NTRK1: variants seen among roughly 807,000 people sequenced by gnomAD.
The protein encoded by NTRK1 is high affinity nerve growth factor receptor.
NTRK1 carries 62 observed loss-of-function variants against 86.8 expected under a neutral mutation model. The ratio of observed to expected loss-of-function variants is 0.71; its 90% confidence interval spans 0.58 to 0.88. The LOEUF is 0.88. Ranked by LOEUF, NTRK1 falls within the 40% of genes least tolerant of loss-of-function variation. NTRK1 has a pLI of 0.00. For synonymous variants in NTRK1, 469 were observed against 456.6 expected (o/e 1.03, Z -0.35); for missense variants, 967 against 1,078.4 (o/e 0.90, Z 1.45).
chr1:156,849,464 G>A lies in NTRK1; in HGVS notation c.50+7271G>A, dbSNP rs557498954. The A allele has an allele frequency of 1.4e-5, 22 of 1,604,174 alleles. No individual in the cohort carries two copies. The South Asian group carries it at 2.2e-4, about 16-fold the overall frequency. ...CAGCACGTAGAGAGTGTAGTTCCTG[G>A]GGGAGGCCAGGGGACCTTGCTCTGC... is the stretch of plus-strand genomic sequence containing the variant. On this transcript the variant is annotated intron_variant, in intron 2 of 16. Coordinates refer to the NTRK1 transcript ENST00000392302.
intron 8 of NTRK1, 60 bp downstream of exon 8, chr1:156,874,019 C>A (rs2102906838): frequency 6.7e-7 from 1 of 1,501,944 alleles, no homozygotes; most frequent in Non-Finnish European, 9.1e-7. Flanking sequence ...TTACAGCCAA[C>A]TTCCTGCTAT....
chr1:156,847,831 G>A (rs1199664196), intron 2 of NTRK1, among the ~76,000 whole-genome samples: 1 of 152,134 alleles, frequency 6.6e-6, no homozygotes, highest in Admixed American at 6.5e-5. Flanking sequence ...AGTGATGTTA[G>A]GGAAGCTTGT....
At chr1:156,850,530 C>CTTTTTT (rs1558089282) in intron 2 of NTRK1, among the ~76,000 whole-genome samples, 2 of 107,196 alleles carry the variant, frequency 1.9e-5, no homozygotes, top group African/African-American at 7.7e-5. Flanking sequence ...TAATTTAAAA[C>CTTTTTT]ATTCTTTTTT....
In NTRK1 at chr1:156,861,060, C is replaced by A; in HGVS notation, c.126C>A (p.Pro42=). ...CACCCTGCCCCGATGCCTGCTGCCC[C>A]CACGGCTCCTCGGGACTGCGATGCA... ...GAAPCPDACC[P]HGSSGLRCTR... Residue 42 remains proline (P), a synonymous_variant, in exon 1 of 17, where the codon CCC becomes CCA. Transcript: ENST00000524377. 6.4e-7 allele frequency: 1 copy of A among 1,566,136 alleles called. No individual in the cohort carries two copies. Among genetic ancestry groups the A allele is most frequent in the South Asian group, 1.2e-5 (1 of 86,292 alleles).
At chr1:156,820,623 A>G (rs1440398116) in intron 1 of NTRK1, among the ~76,000 whole-genome samples, 2 of 152,164 alleles carry the variant, frequency 1.3e-5, no homozygotes, top group East Asian at 1.9e-4. Flanking sequence ...TGGGTTCTCT[A>G]TTCTGTTCCA....
chr1:156,854,196 C>G lies in NTRK1; in HGVS notation c.51-10158C>G. 6.2e-7 allele frequency: 1 copy of G among 1,614,092 alleles called. No individual in the cohort carries two copies. Among genetic ancestry groups the G allele is most frequent in the Non-Finnish European group, 8.5e-7 (1 of 1,180,028 alleles). ...AAGCTGAGGCCGCGGAAGTCCTCCC[C>G]GGTGGCTGTGAACATGAGCAGGATC... On this transcript the variant is annotated intron_variant, in intron 2 of 16. Coordinates refer to the NTRK1 transcript ENST00000392302. This position sits in a 1 kb window ranked among gnomAD's most constrained non-coding sequence, Gnocchi z 4.2.
At chr1:156,879,636 C>T (rs1312513450) in intron 15 of NTRK1, among the ~76,000 whole-genome samples, 5 of 152,078 alleles carry the variant, frequency 3.3e-5, no homozygotes, top group Admixed American at 6.5e-5. Context: ...TTTGAGACGG[C>T]GTCTCACTCT....
chr1:156,873,260 G>C (rs1042683361), intron 7 of NTRK1, among the ~76,000 whole-genome samples: 1 of 151,914 alleles, frequency 6.6e-6, no homozygotes, highest in African/African-American at 2.4e-5. Flanking sequence ...TTGATTGTTA[G>C]GGCCCCTGAC....
At chr1:156,816,161 C>T in intron 1 of NTRK1, 1 of 1,529,102 alleles carries the variant, frequency 6.5e-7, no homozygotes, top group Non-Finnish European at 8.8e-7. Flanking sequence ...GCCTCCCACC[C>T]CTCCTCCCAG....
intron 1 of NTRK1, among the ~76,000 whole-genome samples, chr1:156,818,846 G>A (rs1342725970): frequency 6.6e-6 from 1 of 152,078 alleles, no homozygotes; most frequent in Admixed American, 6.6e-5. Flanking sequence ...CCCAGTAGTG[G>A]GATTGCTGGA....
rs1439314587 is a variant in NTRK1 at position 156,851,992 on chromosome 1, G to A, written c.50+9799G>A. ...CGGGCACAGAGTGCAGGCTGGCACA[G>A]CGCTCAGCTGTGACACAGCGCCAGG... On this transcript the variant is annotated intron_variant, in intron 2 of 16. Transcript: ENST00000392302. 4.3e-6 allele frequency: 7 copies of A among 1,611,656 alleles called. No homozygotes were observed. In the East Asian group the frequency reaches 1.3e-4, roughly 31 times the overall value.
At chr1:156,860,682 G>A, upstream of NTRK1, 1 of 564,582 alleles carries the variant, frequency 1.8e-6, no homozygotes, top group Non-Finnish European at 2.8e-6. Context: ...TGCCGGAGCT[G>A]AGGCGGATCC....
intron 3 of NTRK1, among the ~76,000 whole-genome samples, chr1:156,865,349 G>T (rs992949922): frequency 1.3e-5 from 2 of 152,182 alleles, no homozygotes; most frequent in African/African-American, 2.4e-5. Flanking sequence ...ATTTCAGGAC[G>T]AAACTGTTCC....
rs778745696 is a variant in NTRK1 at position 156,871,608 on chromosome 1, T to C, written c.718-15T>C. The C allele has an allele frequency of 3.7e-5, 59 of 1,613,644 alleles. No individual in the cohort carries two copies. The East Asian group carries it at 1.3e-3, about 36-fold the overall frequency. ...TAAAGCTCCTTCTTATTCCCCCCTC[T>C]CTTTCCTGATCTAGAAATCTGGGGG... On this transcript the variant is annotated splice_polypyrimidine_tract_variant and intron_variant, in intron 6 of 16. Coordinates refer to ENST00000524377, the MANE Select transcript of NTRK1 (RefSeq NM_002529.4).
At chr1:156,879,448 CT>C in intron 15 of NTRK1, 86 bp downstream of exon 15, 1 of 1,498,620 alleles carries the variant, frequency 6.7e-7, no homozygotes. Flanking sequence ...CCTGCCCTTG[CT>C]AGGATGGCTG....
chr1:156,816,115 G>A, intron 1 of NTRK1: 1 of 1,603,332 alleles, frequency 6.2e-7, no homozygotes, highest in Admixed American at 1.7e-5. Flanking sequence ...AAAGAGGGCT[G>A]CCGGGGTTTC....
intron 2 of NTRK1, chr1:156,845,050 A>G: frequency 2.5e-6 from 4 of 1,587,800 alleles, no homozygotes; most frequent in Non-Finnish European, 3.4e-6. Flanking sequence ...TGATGGGGGT[A>G]GAAGGTGTGT....
chr1:156,865,491 C>G (rs1488700090), intron 3 of NTRK1, among the ~76,000 whole-genome samples: 1 of 152,218 alleles, frequency 6.6e-6, no homozygotes, highest in Non-Finnish European at 1.5e-5. Flanking sequence ...CGGTAATGCT[C>G]ACTCACCGCT....
Position 156,815,781 on chromosome 1 carries a change from C to A in NTRK1, c.-121C>A, listed in dbSNP as rs374760070. 3 of 1,613,370 alleles carry A rather than the reference C, an allele frequency of 1.9e-6. No individual in the cohort carries two copies. In the South Asian group the frequency reaches 3.3e-5, roughly 18 times the overall value. On this transcript the variant is annotated 5_prime_UTR_variant, in exon 1 of 17. Coordinates refer to the NTRK1 transcript ENST00000392302. ...TGGTCATCTGCGGACTCAGCCTGAG[C>A]TTCCAGAGGGCCTAGGAGCAGTAAG...
Sources: allele counts gnomAD v4.1 joint callset (sites outside exome capture counted in the v4.1 genomes callset), GRCh38; gene constraint gnomAD v4.1.1; non-coding constraint Gnocchi (gnomAD v3.1); transcripts MANE v1.5; gene names NCBI Gene and HGNC (gene_info 2026-07-23, HGNC 2026-07-21).